The following NLRC5 variants were observed in gnomAD, a reference collection of about 807,000 sequenced individuals.
NLRC5 encodes the protein NLR family CARD domain containing 5.
A neutral mutation model predicts 206.9 loss-of-function variants in NLRC5; 114 were observed. That is an observed-to-expected ratio of 0.55 (90% CI 0.47 to 0.64). The LOEUF (loss-of-function observed/expected upper bound fraction) is 0.64. Ranked by LOEUF, NLRC5 falls within the 30% of genes least tolerant of loss-of-function variation. The pLI is 0.00. For synonymous variants in NLRC5, 952 were observed against 962.8 expected (o/e 0.99, Z 0.21); for missense variants, 2,008 against 2,305.5 (o/e 0.87, Z 2.64).
intron 15 of NLRC5, among the ~76,000 whole-genome samples, chr16:57,039,562 T>TG (rs2063020886): frequency 6.6e-6 from 1 of 151,482 alleles, no homozygotes; most frequent in Non-Finnish European, 1.5e-5. Context: ...ATACTTTTTT[T>TG]TTTAATTAGC....
rs35173720 is a variant in NLRC5, at chr16:57,082,995, GC to G, written c.*470del. The stretch of plus-strand genomic sequence containing the variant: ...TGGCTGGCCAGATGACCTCAGGCTG[GC>G]CCAAGATCTAATTTATTAATTTTTA... On this transcript the variant is annotated 3_prime_UTR_variant, in exon 49 of 49. Transcript: ENST00000688547. 6.5e-6 allele frequency: 1 copy of G among 153,672 alleles called. No individual in the cohort carries two copies. Among genetic ancestry groups the G allele is most frequent in the South Asian group, 2.1e-4 (1 of 4,864 alleles). The allele number at this position is 153,672 out of a possible 1,614,324, so 9.5% of individuals were successfully genotyped here. A position where few individuals can be genotyped will look rare whatever the true frequency, so the allele number is the denominator to read the frequency against.
chr16:57,006,888 C>CATTATTATTATTATT (rs9302685), intron 1 of NLRC5, among the ~76,000 whole-genome samples: 22,231 of 143,764 alleles, frequency 0.15, 1,824 homozygotes, highest in Admixed American at 0.17. Context: ...ACCGTTAACA[C>CATTATTATTATTATT]ATTATTATTA....
intron 32 of NLRC5, 130 bp from the exon 33 acceptor site, chr16:57,065,082 A>T: frequency 2.3e-6 from 1 of 438,760 alleles, no homozygotes; most frequent in Non-Finnish European, 3.9e-6. Context: ...TTATAGTTTT[A>T]AAATGAGCAA....
At position 56,993,372 on chromosome 16, in the gene NLRC5, A is replaced by C. The variant is rs545656582; in HGVS notation, c.-128+3755A>C. 7.9e-5 allele frequency among the ~76,000 whole-genome samples: 12 copies of C among 152,212 alleles called. No homozygotes were observed. The South Asian group carries it at 2.5e-3, about 32-fold the overall frequency. On this transcript the variant is annotated intron_variant, in intron 1 of 48. Coordinates refer to ENST00000688547, the MANE Select transcript of NLRC5 (RefSeq NM_001384950.1). ...ATGACTGCTCTGTAATTGATCTAAC[A>C]GTTGTAGAACACTTAGGTTATTTCC...
At chr16:56,999,297 C>T (rs571905077) in intron 1 of NLRC5, among the ~76,000 whole-genome samples, 1 of 152,344 alleles carries the variant, frequency 6.6e-6, no homozygotes, top group African/African-American at 2.4e-5. Context: ...TTCTGGGCCC[C>T]AAGGCTGTCC....
Position 57,029,783 on chromosome 16 carries a change from A to G in NLRC5, c.2254A>G (p.Asn752Asp). 1 of 1,614,016 alleles carries G rather than the reference A, an allele frequency of 6.2e-7. No individual in the cohort carries two copies. The highest frequency in any genetic ancestry group is 8.5e-7 in the Non-Finnish European group (1 of 1,179,910). Residue 752 changes from asparagine (N) to aspartate (D), a missense_variant, in exon 9 of 49, where the codon AAC (asparagine) becomes GAC (aspartate). Asn to Asp is a conservative substitution (Grantham distance 23). Coordinates refer to ENST00000688547, the MANE Select transcript of NLRC5 (RefSeq NM_001384950.1). Reference sequence around the variant, plus strand: ...TTGGTCTCCTCGCAGTTTTCGGGACAACCAGCTCAGTGACCAGGTGGTGCT... The same window carrying G: ...TTGGTCTCCTCGCAGTTTTCGGGACGACCAGCTCAGTGACCAGGTGGTGCT... ...PQLKEVSFRD[N>D]QLSDQVVLNI...
At chr16:57,028,880 C>T (rs1250156013) in intron 8 of NLRC5, among the ~76,000 whole-genome samples, 3 of 152,230 alleles carry the variant, frequency 2.0e-5, no homozygotes, top group African/African-American at 7.2e-5. Flanking sequence ...GATGCCAGCA[C>T]ACTCTAACTA....
intron 36 of NLRC5, among the ~76,000 whole-genome samples, chr16:57,068,441 A>AG (rs1345533075): frequency 6.6e-6 from 1 of 151,530 alleles, no homozygotes. Flanking sequence ...CGAAAAAAAA[A>AG]AAAAAGAACA....
rs546106583 is a variant in NLRC5 at position 57,079,527 on chromosome 16, T to C, written c.5238-19T>C. 379 of 1,609,700 alleles carry C rather than the reference T, an allele frequency of 2.4e-4. 4 individuals are homozygous for C. In the South Asian group the frequency reaches 3.9e-3, roughly 16 times the overall value. ...CTCAAACAACCCCCATCCCATCCCA[T>C]GCCCTTCTCCATCCCCAGCCTGGTT... On this transcript the variant is annotated intron_variant, in intron 45 of 48. Transcript: ENST00000688547.
chr16:57,073,688 G>A (rs1480876235), intron 38 of NLRC5, among the ~76,000 whole-genome samples: 1 of 152,200 alleles, frequency 6.6e-6, no homozygotes, highest in Admixed American at 6.5e-5. Context: ...CCGCCTCCCG[G>A]GTTCAAGCAA....
chr16:57,078,117 GC>G, intron 43 of NLRC5, 97 bp downstream of exon 43: 1 of 1,011,982 alleles, frequency 9.9e-7, no homozygotes. Context: ...GAGCTGCCCT[GC>G]CCCAAGTCAA....
chr16:57,065,316 G>T lies in NLRC5; in HGVS notation c.4241+18G>T. The T allele has an allele frequency of 6.6e-7, 1 of 1,517,272 alleles. No homozygotes were observed. Among genetic ancestry groups the T allele is most frequent in the Non-Finnish European group, 8.9e-7 (1 of 1,118,774 alleles). The allele number at this position is 1,517,272 out of a possible 1,614,324, so 94.0% of individuals were successfully genotyped here. A position where few individuals can be genotyped will look rare whatever the true frequency, so the allele number is the denominator to read the frequency against. On this transcript the variant is annotated intron_variant, in intron 33 of 48. Coordinates refer to ENST00000688547, the MANE Select transcript of NLRC5 (RefSeq NM_001384950.1). ...GAAATCAGGTGAGTCCAGAGAAGAG[G>T]CCCCTTTGGAATTCTTCATCTTTCA...
At chr16:57,024,597 C>T (rs1267952416) in intron 5 of NLRC5, among the ~76,000 whole-genome samples, 5 of 152,190 alleles carry the variant, frequency 3.3e-5, no homozygotes, top group South Asian at 2.1e-4. Context: ...CCCACAGTTC[C>T]GATCGGTAAT....
chr16:57,037,379 G>A (rs1248219416), intron 15 of NLRC5, 95 bp downstream of exon 15: 1 of 1,141,472 alleles, frequency 8.8e-7, no homozygotes, highest in African/African-American at 1.5e-5. Flanking sequence ...CCTTGGGACG[G>A]GCAGAAGATG....
At chr16:56,990,974 C>T (rs1462469834) in intron 1 of NLRC5, 4 of 152,310 alleles carry the variant, frequency 2.6e-5, no homozygotes, top group African/African-American at 7.2e-5. Flanking sequence ...GGACGGCAGA[C>T]AGACTGGGGC....
chr16:57,061,780 C>G, intron 32 of NLRC5, 79 bp downstream of exon 32: 1 of 1,560,484 alleles, frequency 6.4e-7, no homozygotes, highest in Non-Finnish European at 8.6e-7. Context: ...AAGAGGCCCC[C>G]AGGATCATGG....
chr16:57,015,906 C>T (rs1311438375), intron 1 of NLRC5, among the ~76,000 whole-genome samples: 1 of 27,718 alleles, frequency 3.6e-5, no homozygotes, highest in Non-Finnish European at 6.7e-5. Context: ...GCCTGGGCAA[C>T]AAGAATGAAA....
In NLRC5 at chr16:57,046,597, C is replaced by A. The variant is rs1828676481; in HGVS notation, c.3294C>A (p.Ala1098=). The A allele has an allele frequency of 3.1e-6, 5 of 1,613,902 alleles. No homozygotes were observed. In the African/African-American group the frequency reaches 6.7e-5, roughly 22 times the overall value. ...CTTTGCCAGACTTCCCAGCTGCAGC[C>A]AAGTTCTTAGGGTTCCGTCAGCGCT... ...TGSLPDFPAA[A]KFLGFRQRCI... The change falls in exon 22 of 49, where the codon GCC becomes GCA. Residue 1098 remains alanine (A), a synonymous_variant. Coordinates refer to ENST00000688547, the MANE Select transcript of NLRC5 (RefSeq NM_001384950.1).
intron 21 of NLRC5, among the ~76,000 whole-genome samples, chr16:57,046,320 T>G (rs1398366478): frequency 6.6e-6 from 1 of 152,176 alleles, no homozygotes; most frequent in Non-Finnish European, 1.5e-5. Flanking sequence ...AACTCAGGCT[T>G]CCCTTCCCTG....
Sources: gnomAD v4.1 joint callset for allele counts (sites outside exome capture counted in the v4.1 genomes callset) on GRCh38, gnomAD v4.1.1 for gene constraint, MANE v1.5 for transcripts, NCBI Gene and HGNC (gene_info 2026-07-23, HGNC 2026-07-21) for gene names.